The following TTC12 variants were observed in gnomAD, a reference collection of about 807,000 sequenced individuals.
The protein encoded by TTC12 is tetratricopeptide repeat protein 12.
TTC12 carries 70 observed loss-of-function variants against 90.1 expected under a neutral mutation model. The observed-to-expected ratio is 0.78, with a 90% CI of 0.64 to 0.95. The LOEUF is 0.95. Among genes scored for constraint, TTC12 ranks in the 40% least tolerant of loss-of-function variants. TTC12 has a pLI of 0.00. For missense variants in TTC12, 819 were observed against 846.1 expected (o/e 0.97, Z 0.40); for synonymous variants, 296 against 311.5 (o/e 0.95, Z 0.53).
chr11:113,328,577 C>T (rs781837060), intron 6 of TTC12, among the ~76,000 whole-genome samples: 1 of 151,692 alleles, frequency 6.6e-6, no homozygotes, highest in Non-Finnish European at 1.5e-5. Flanking sequence ...CTGCTGTGCT[C>T]GGGAGGACAG....
intron 2 of TTC12, among the ~76,000 whole-genome samples, chr11:113,318,952 TA>T (rs1385901825): frequency 2.0e-5 from 3 of 152,164 alleles, no homozygotes; most frequent in African/African-American, 7.2e-5. Flanking sequence ...CTAATTTATG[TA>T]ATGACTCTTC....
At chr11:113,314,866 C>T (rs564750774) in intron 1 of TTC12, 2 of 152,540 alleles carry the variant, frequency 1.3e-5, no homozygotes, top group South Asian at 2.1e-4. Flanking sequence ...CTGGGGCAGG[C>T]TCCGCGCGGG....
At chr11:113,341,951 C>G in intron 12 of TTC12, 26 bp downstream of exon 12, 1 of 1,577,506 alleles carries the variant, frequency 6.3e-7, no homozygotes, top group Non-Finnish European at 8.7e-7. Context: ...CACCGTTGAT[C>G]ACCATTAATG....
intron 21 of TTC12, among the ~76,000 whole-genome samples, chr11:113,372,718 T>C (rs1818322241): frequency 6.6e-6 from 1 of 152,214 alleles, no homozygotes; most frequent in African/African-American, 2.4e-5. Flanking sequence ...CTACATGGCC[T>C]TTGCACATAA....
chr11:113,318,516 A>G (rs990351978), intron 2 of TTC12, among the ~76,000 whole-genome samples: 11 of 152,214 alleles, frequency 7.2e-5, no homozygotes, highest in Non-Finnish European at 1.5e-4. Flanking sequence ...GACACTAGTC[A>G]TATTGGATTA....
intron 2 of TTC12, among the ~76,000 whole-genome samples, chr11:113,318,442 C>T (rs1013018660): frequency 1.3e-5 from 2 of 152,148 alleles, no homozygotes; most frequent in Admixed American, 6.5e-5. Context: ...GGCACCTTCC[C>T]GCTGTGCCCT....
downstream of TTC12, among the ~76,000 whole-genome samples, chr11:113,371,065 A>G (rs183303340): frequency 2.0e-5 from 3 of 152,298 alleles, no homozygotes; most frequent in African/African-American, 7.2e-5. Flanking sequence ...CACTAGATCA[A>G]AGGCACAGCA....
At position 113,341,616 on chromosome 11, in the gene TTC12, C is replaced by T. The variant is rs181332026; in HGVS notation, c.897-221C>T. 665 of 543,868 alleles carry T rather than the reference C, an allele frequency of 1.2e-3. 1 individual carries two copies. The highest frequency in any genetic ancestry group is 1.7e-3 in the Non-Finnish European group (517 of 302,648). 33.7% of individuals were successfully genotyped at this position (543,868 alleles called of 1,614,324 possible). ...GCAGCCATCGCCCATGGCCCTGGCT[C>T]ACTGCCCAGCCTCTGTGCAGCCCTG... On this transcript the variant is annotated intron_variant, in intron 11 of 21. Transcript: ENST00000529221.
chr11:113,366,324 T>C lies in TTC12; in HGVS notation c.*24T>C, dbSNP rs1391973696. The C allele has an allele frequency of 1.9e-5, 30 of 1,612,574 alleles. No homozygotes were observed. The highest frequency in any genetic ancestry group is 2.4e-5 in the Non-Finnish European group (28 of 1,180,000). ...GAGAGAGACAGGGTTTGTGTGCATTTGGGGAACACACAGATGCACACCGTG... is the reference window on the plus strand; with the variant it reads ...GAGAGAGACAGGGTTTGTGTGCATTCGGGGAACACACAGATGCACACCGTG... On this transcript the variant is annotated 3_prime_UTR_variant, in exon 22 of 22. Transcript: ENST00000529221.
chr11:113,365,393 C>G (rs558887333), intron 21 of TTC12: 2 of 272,870 alleles, frequency 7.3e-6, no homozygotes, highest in African/African-American at 4.2e-5. Flanking sequence ...CCCCTCCCTC[C>G]CACTCCACCT....
At chr11:113,348,222 A>G (rs1355646566) in intron 13 of TTC12, among the ~76,000 whole-genome samples, 2 of 152,140 alleles carry the variant, frequency 1.3e-5, no homozygotes, top group African/African-American at 2.4e-5. Flanking sequence ...CAGTTCATCT[A>G]CCTGAATTTC....
chr11:113,369,270 A>T (rs932163573), downstream of TTC12, among the ~76,000 whole-genome samples: 4 of 152,242 alleles, frequency 2.6e-5, no homozygotes, highest in South Asian at 4.1e-4. Context: ...GATTACAGGC[A>T]TGCGTCCGTA....
chr11:113,361,320 G>T (rs1046357714), intron 18 of TTC12, among the ~76,000 whole-genome samples: 1 of 152,224 alleles, frequency 6.6e-6, no homozygotes, highest in African/African-American at 2.4e-5. Context: ...AGAGACCTAC[G>T]TTGACAGTGA....
downstream of TTC12, among the ~76,000 whole-genome samples, chr11:113,370,323 C>T (rs770271442): frequency 1.3e-5 from 2 of 152,206 alleles, no homozygotes; most frequent in African/African-American, 4.8e-5. Flanking sequence ...ATCAGGATGT[C>T]ATTAGTTCTT....
Position 113,359,905 on chromosome 11 carries a change from T to G in TTC12, c.1546-35T>G, listed in dbSNP as rs1555154060. 5.8e-6 allele frequency: 9 copies of G among 1,539,082 alleles called. No homozygotes were observed. In the Admixed American group the frequency reaches 8.1e-5, roughly 14 times the overall value. The stretch of plus-strand genomic sequence containing the variant: ...CTGAGAATTCAGATTGTCAGAAAAT[T>G]AAAATCTCCTGCTGGCCTCTCCCCA... On this transcript the variant is annotated intron_variant, in intron 17 of 21. Coordinates refer to ENST00000529221, the MANE Select transcript of TTC12 (RefSeq NM_017868.4).
In TTC12 at chr11:113,359,370, G is replaced by T. The variant is rs1555153761; in HGVS notation, c.1454G>T (p.Cys485Phe). Reference protein sequence around the residue: ...GDGCLSLLARCEEDVDLFREV... With the variant: ...GDGCLSLLARFEEDVDLFREV... The stretch of plus-strand genomic sequence containing the variant: ...CTTGTTTTGTTTCCCAAGGCCAGGT[G>T]TGAGGAGGATGTGGACCTGTTCAGA... Residue 485 changes from cysteine to phenylalanine, a missense_variant, in exon 17 of 22, where the codon TGT becomes TTT. Coordinates refer to ENST00000529221, the MANE Select transcript of TTC12 (RefSeq NM_017868.4). 1.2e-6 allele frequency: 2 copies of T among 1,608,550 alleles called. No homozygotes were observed. Among genetic ancestry groups the T allele is most frequent in the Non-Finnish European group, 1.7e-6 (2 of 1,175,566 alleles).
intron 7 of TTC12, among the ~76,000 whole-genome samples, chr11:113,332,808 A>G (rs2137963585): frequency 6.6e-6 from 1 of 152,308 alleles, no homozygotes. Flanking sequence ...CTTCTCACTC[A>G]GACTTTCCCA....
At chr11:113,370,617 G>A (rs1950356004), downstream of TTC12, among the ~76,000 whole-genome samples, 1 of 152,238 alleles carries the variant, frequency 6.6e-6, no homozygotes, top group Non-Finnish European at 1.5e-5. Flanking sequence ...TTTGCCCTGG[G>A]GCTGGATCAG....
chr11:113,339,349 T>G lies in TTC12; in HGVS notation c.701T>G (p.Leu234Arg). Reference protein sequence around the residue: ...ADLQEKEAHELLDSGKNTAVT... With the variant: ...ADLQEKEAHERLDSGKNTAVT... Reference sequence around the variant, plus strand: ...CTTCAAGAAAAGGAAGCCCACGAACTGCTGGATTCAGGAAAGAACACAGCC... The same window carrying G: ...CTTCAAGAAAAGGAAGCCCACGAACGGCTGGATTCAGGAAAGAACACAGCC... Residue 234 changes from leucine (L) to arginine (R), a missense_variant, in exon 10 of 22, where the codon CTG becomes CGG. Coordinates refer to ENST00000529221, the MANE Select transcript of TTC12 (RefSeq NM_017868.4). 1.9e-6 allele frequency: 3 copies of G among 1,613,996 alleles called. No individual in the cohort carries two copies. Among genetic ancestry groups the G allele is most frequent in the Non-Finnish European group, 2.5e-6 (3 of 1,179,986 alleles).
Sources: gnomAD v4.1 joint callset for allele counts (sites outside exome capture counted in the v4.1 genomes callset) on GRCh38, gnomAD v4.1.1 for gene constraint, MANE v1.5 for transcripts, NCBI Gene and HGNC (gene_info 2026-07-23, HGNC 2026-07-21) for gene names.